Variants in ZNF461 observed in about 807,000 individuals in gnomAD.
ZNF461 encodes zinc finger protein 461, also known as gonadotropin-inducible ovarian transcription factor-1.
Under a neutral mutation model 18.3 loss-of-function variants are expected in ZNF461, and 16 were observed. The observed-to-expected ratio is 0.88, with a 90% confidence interval of 0.59 to 1.33. The LOEUF (loss-of-function observed/expected upper bound fraction) is 1.33. Among genes scored for constraint, ZNF461 ranks in the 40% most tolerant of loss-of-function variants. The pLI is 0.00. For synonymous variants in ZNF461, 179 were observed against 216.9 expected (o/e 0.83, Z 1.54); for missense variants, 595 against 669.9 (o/e 0.89, Z 1.23).
At position 36,639,957 on chromosome 19, in the gene ZNF461, C is replaced by T; in HGVS notation, c.388G>A (p.Glu130Lys). 1 of 1,613,848 alleles carries T rather than the reference C, an allele frequency of 6.2e-7. No homozygotes were observed. Among genetic ancestry groups the T allele is most frequent in the Non-Finnish European group, 8.5e-7 (1 of 1,179,842 alleles). Residue 130 changes from glutamate to lysine, a missense_variant, in exon 6 of 6, where the codon GAA becomes AAA. Coordinates refer to ENST00000588268, the MANE Select transcript of ZNF461 (RefSeq NM_153257.5). ...TELSQWVNME[E>K]FKSHSPERSI... ...CTCTCAGGACTATGGCTTTTAAATT[C>T]TTCCATGTTAACCCACTGGGATAAT...
In ZNF461 at chr19:36,637,384, T is replaced by G. The variant is rs2037314828; in HGVS notation, c.*1269A>C. The G allele has an allele frequency of 6.6e-6, 1 of 151,880 alleles. No individual in the cohort carries two copies. Among genetic ancestry groups the G allele is most frequent in the East Asian group, 1.9e-4 (1 of 5,136 alleles). 9.4% of individuals were successfully genotyped at this position (151,880 alleles called of 1,614,324 possible). On this transcript the variant is annotated 3_prime_UTR_variant, in exon 6 of 6. Transcript: ENST00000588268. ...GCTAATTTTTGTATTTTTTTTTTAG[T>G]AGAGACGGGGTTTCACCATGTTAGC...
Position 36,636,915 on chromosome 19 carries a change from T to G in ZNF461, c.*1738A>C, listed in dbSNP as rs2037302640. On this transcript the variant is annotated 3_prime_UTR_variant, in exon 6 of 6. Transcript: ENST00000588268. The stretch of plus-strand genomic sequence containing the variant: ...CATTCCAATGCTTCAAAGGAGTGTC[T>G]TTCTCCTTGAGCACAGTGTTTATAG... 6.6e-6 allele frequency among the ~76,000 whole-genome samples: 1 copy of G among 152,170 alleles called. No individual in the cohort carries two copies.
chr19:36,638,074 A>G lies in ZNF461; in HGVS notation c.*579T>C. 4.7e-6 allele frequency: 1 copy of G among 213,172 alleles called. No homozygotes were observed. The highest frequency in any genetic ancestry group is 2.4e-5 in the African/African-American group (1 of 42,414). The allele number at this position is 213,172 out of a possible 1,614,324, so 13.2% of individuals were successfully genotyped here. ...ATTAGAGTTCTAGGTGAACATTAGA[A>G]ACAACTTCAATGTCTGTAGTAGGTA... is the stretch of plus-strand genomic sequence containing the variant. On this transcript the variant is annotated 3_prime_UTR_variant, in exon 6 of 6. Coordinates refer to ENST00000588268, the MANE Select transcript of ZNF461 (RefSeq NM_153257.5).
In ZNF461 at chr19:36,638,858, G is replaced by T. The variant is rs368327025; in HGVS notation, c.1487C>A (p.Pro496His). Residue 496 changes from proline (P) to histidine (H), a missense_variant, in exon 6 of 6, where the codon CCC (proline) becomes CAC (histidine). Physicochemically the swap from Pro to His is moderately conservative, Grantham distance 77. Coordinates refer to ENST00000588268, the MANE Select transcript of ZNF461 (RefSeq NM_153257.5). The part of the protein sequence containing the change: ...QHQRIHTGEK[P>H]YECKECGKAF... ...CTTCCCACATTCCTTACATTCATAG[G>T]GTTTCTCACCAGTATGAATTCTTTG... 137 of 1,612,596 alleles carry T rather than the reference G, an allele frequency of 8.5e-5. No homozygotes were observed. The highest frequency in any genetic ancestry group is 1.0e-4 in the Non-Finnish European group (122 of 1,179,844).
At chr19:36,646,848 T>G (rs1022211234) in intron 4 of ZNF461, among the ~76,000 whole-genome samples, 1 of 152,330 alleles carries the variant, frequency 6.6e-6, no homozygotes, top group South Asian at 2.1e-4. Context: ...TGTTAACATA[T>G]AGTTTATTAT....
chr19:36,648,801 G>A (rs1276374687), intron 4 of ZNF461, among the ~76,000 whole-genome samples: 1 of 152,048 alleles, frequency 6.6e-6, no homozygotes, highest in African/African-American at 2.4e-5. Context: ...GGCTGATCGC[G>A]AACTCCTAAC....
At chr19:36,658,955 A>C (rs1179601195) in intron 2 of ZNF461, among the ~76,000 whole-genome samples, 2 of 152,170 alleles carry the variant, frequency 1.3e-5, no homozygotes, top group Non-Finnish European at 2.9e-5. Flanking sequence ...AATTGGCGTA[A>C]AGGTCTGTGC....
intron 4 of ZNF461, among the ~76,000 whole-genome samples, chr19:36,652,054 G>C (rs2037636126): frequency 2.6e-5 from 4 of 152,062 alleles, no homozygotes; most frequent in African/African-American, 9.7e-5. Flanking sequence ...TGACAAAGGT[G>C]AAAAAGCTAT....
intron 4 of ZNF461, among the ~76,000 whole-genome samples, chr19:36,650,771 C>A (rs2037611122): frequency 6.7e-6 from 1 of 149,972 alleles, no homozygotes; most frequent in South Asian, 2.1e-4. Flanking sequence ...GTATAAGAAG[C>A]TAATTTAATA....
At chr19:36,642,159 T>G (rs1360028259) in intron 5 of ZNF461, among the ~76,000 whole-genome samples, 1 of 152,180 alleles carries the variant, frequency 6.6e-6, no homozygotes, top group Non-Finnish European at 1.5e-5. Flanking sequence ...CTTGAACTCC[T>G]GGTTTCAAGT....
chr19:36,660,148 CTTTTTTT>C (rs35264079), intron 2 of ZNF461, among the ~76,000 whole-genome samples: 1 of 118,544 alleles, frequency 8.4e-6, no homozygotes, highest in Admixed American at 8.8e-5. Context: ...TCTCTAAAAT[CTTTTTTT>C]TTTTTTTTTT....
At chr19:36,647,696 T>C (rs1238312662) in intron 4 of ZNF461, among the ~76,000 whole-genome samples, 2 of 152,216 alleles carry the variant, frequency 1.3e-5, no homozygotes, top group Admixed American at 6.5e-5. Context: ...CTGTTTTCCA[T>C]AGTGGCTGTA....
chr19:36,664,428 G>C (rs1368878909), intron 2 of ZNF461, among the ~76,000 whole-genome samples: 3 of 151,938 alleles, frequency 2.0e-5, no homozygotes, highest in Non-Finnish European at 4.4e-5. Context: ...TATCTACTTA[G>C]AGTACAAAAA....
intron 5 of ZNF461, among the ~76,000 whole-genome samples, chr19:36,642,797 C>G (rs532281221): frequency 1.9e-3 from 294 of 151,510 alleles, no homozygotes; most frequent in African/African-American, 6.7e-3. Flanking sequence ...CTCTGTAGCC[C>G]AGGCTGGAGT....
At chr19:36,644,680 C>G (rs909626909) in intron 4 of ZNF461, among the ~76,000 whole-genome samples, 1 of 152,030 alleles carries the variant, frequency 6.6e-6, no homozygotes, top group Non-Finnish European at 1.5e-5. Flanking sequence ...ACTGCGGCCT[C>G]TGACTCCCGG....
rs932018813 is a variant in ZNF461, at chr19:36,636,859, G to A, written c.*1794C>T. ...TTATCAGAGAGCAGCTGTGGGGAGTGGGCCTAACTAGAAGCCAGCATATCT... is the reference window on the plus strand; with the variant it reads ...TTATCAGAGAGCAGCTGTGGGGAGTAGGCCTAACTAGAAGCCAGCATATCT... On this transcript the variant is annotated 3_prime_UTR_variant, in exon 6 of 6. Coordinates refer to ENST00000588268, the MANE Select transcript of ZNF461 (RefSeq NM_153257.5). Among the ~76,000 whole-genome samples, 1 of 152,168 alleles carries A rather than the reference G, an allele frequency of 6.6e-6. No individual in the cohort carries two copies. Among genetic ancestry groups the A allele is most frequent in the Non-Finnish European group, 1.5e-5 (1 of 68,046 alleles).
At chr19:36,644,650 C>G (rs774085233) in intron 4 of ZNF461, among the ~76,000 whole-genome samples, 1 of 151,646 alleles carries the variant, frequency 6.6e-6, no homozygotes, top group African/African-American at 2.4e-5. Flanking sequence ...GGCTGGAGTA[C>G]GGTGGCGCAA....
intron 4 of ZNF461, among the ~76,000 whole-genome samples, chr19:36,652,147 T>C (rs1017343892): frequency 4.6e-5 from 7 of 152,086 alleles, no homozygotes; most frequent in Non-Finnish European, 1.0e-4. Flanking sequence ...TTCACAACTT[T>C]ACAAAAATTA....
intron 5 of ZNF461, among the ~76,000 whole-genome samples, chr19:36,640,478 C>T (rs79987672): frequency 6.6e-6 from 1 of 152,154 alleles, no homozygotes; most frequent in African/African-American, 2.4e-5. Context: ...GAACCCATGG[C>T]TTTTTATTTG....
Sources: allele counts gnomAD v4.1 joint callset (sites outside exome capture counted in the v4.1 genomes callset), GRCh38; gene constraint gnomAD v4.1.1; transcripts MANE v1.5; gene names NCBI Gene and HGNC (gene_info 2026-07-23, HGNC 2026-07-21).